SRGAP1: variants seen among roughly 807,000 people sequenced by gnomAD.
SRGAP1 encodes the protein SLIT-ROBO Rho GTPase-activating protein 1.
Under a neutral mutation model 121.9 loss-of-function variants are expected in SRGAP1, and 43 were observed. That is an observed-to-expected ratio of 0.35 (90% CI 0.28 to 0.46). SRGAP1 has a LOEUF of 0.46. Ranked by LOEUF, SRGAP1 falls within the 20% of genes least tolerant of loss-of-function variation. The pLI, the probability that SRGAP1 is intolerant of heterozygous loss-of-function variation, is 1.00. For synonymous variants in SRGAP1, 447 were observed against 485.4 expected (o/e 0.92, Z 1.04); for missense variants, 1,102 against 1,350.9 (o/e 0.82, Z 2.89).
chr12:63,915,418 C>T (rs1261767769), intron 1 of SRGAP1, among the ~76,000 whole-genome samples: 1 of 152,026 alleles, frequency 6.6e-6, no homozygotes, highest in African/African-American at 2.4e-5. Context: ...AAAGCATTTC[C>T]AGAGGAACCA....
chr12:63,858,213 T>C (rs1023669711), intron 1 of SRGAP1, among the ~76,000 whole-genome samples: 18 of 152,016 alleles, frequency 1.2e-4, no homozygotes, highest in Admixed American at 2.0e-4. Flanking sequence ...TGTCTGTCTG[T>C]CTGTATACAC....
At chr12:64,052,184 T>C (rs964922712) in intron 6 of SRGAP1, among the ~76,000 whole-genome samples, 2 of 152,074 alleles carry the variant, frequency 1.3e-5, no homozygotes, top group Admixed American at 1.3e-4. Context: ...AGATATTGAA[T>C]TATGTCTATG....
chr12:64,044,674 C>A, intron 6 of SRGAP1, among the ~76,000 whole-genome samples: 1 of 72,124 alleles, frequency 1.4e-5, no homozygotes, highest in African/African-American at 4.6e-5. Flanking sequence ...TGATGTGCCT[C>A]TTTTTTTTTT....
chr12:64,018,083 A>G, intron 4 of SRGAP1, among the ~76,000 whole-genome samples: 1 of 151,980 alleles, frequency 6.6e-6, no homozygotes, highest in Non-Finnish European at 1.5e-5. Flanking sequence ...TTATTGTACA[A>G]GATTATTTTG....
At chr12:63,916,060 T>C (rs2030763902) in intron 1 of SRGAP1, among the ~76,000 whole-genome samples, 1 of 118,714 alleles carries the variant, frequency 8.4e-6, no homozygotes. Context: ...TGAGATGGGG[T>C]CTCACTCTGT....
intron 21 of SRGAP1, among the ~76,000 whole-genome samples, chr12:64,130,086 A>C (rs1257815126): frequency 2.0e-5 from 3 of 152,178 alleles, no homozygotes; most frequent in Non-Finnish European, 4.4e-5. Flanking sequence ...GGGCTATTGT[A>C]GTTTCCCATT....
At chr12:63,874,689 A>G (rs762662630) in intron 1 of SRGAP1, among the ~76,000 whole-genome samples, 4 of 152,164 alleles carry the variant, frequency 2.6e-5, no homozygotes, top group Non-Finnish European at 4.4e-5. Flanking sequence ...CAAATTTCCT[A>G]TAACAAATGT....
chr12:64,117,305 C>T (rs1199929696), intron 18 of SRGAP1, among the ~76,000 whole-genome samples: 1 of 152,084 alleles, frequency 6.6e-6, no homozygotes, highest in Non-Finnish European at 1.5e-5. Context: ...GCCCATTTTT[C>T]TATTGAGTTT....
chr12:63,887,451 G>A (rs1319604149), intron 1 of SRGAP1: 10 of 152,238 alleles, frequency 6.6e-5, no homozygotes, highest in Admixed American at 6.5e-4. Flanking sequence ...GAAACACTGG[G>A]TTTGGCAATG....
chr12:64,105,493 A>G (rs539778420), intron 15 of SRGAP1, among the ~76,000 whole-genome samples: 1 of 152,258 alleles, frequency 6.6e-6, no homozygotes, highest in Non-Finnish European at 1.5e-5. Flanking sequence ...TTAAGATTAA[A>G]CTTCTTGAGG....
chr12:63,884,049 T>A (rs1592913497), intron 1 of SRGAP1, among the ~76,000 whole-genome samples: 1 of 136,100 alleles, frequency 7.3e-6, no homozygotes, highest in Admixed American at 7.4e-5. Flanking sequence ...TTCGGGAGGC[T>A]AGGCGGGCGG....
chr12:64,054,876 A>C (rs1165167284), intron 6 of SRGAP1, among the ~76,000 whole-genome samples: 157 of 121,946 alleles, frequency 1.3e-3, no homozygotes, highest in East Asian at 2.1e-3. Context: ...TCCCAATGCT[A>C]TCCCTCCCCC....
chr12:64,087,637 G>A (rs1046219702), intron 11 of SRGAP1, among the ~76,000 whole-genome samples: 3 of 152,100 alleles, frequency 2.0e-5, no homozygotes, highest in African/African-American at 7.2e-5. Context: ...TCAGGAGGCT[G>A]GGGCAGGAAA....
Position 64,148,658 on chromosome 12 carries a change from A to G in SRGAP1, c.*5986A>G, listed in dbSNP as rs1009590280. On this transcript the variant is annotated 3_prime_UTR_variant, in exon 22 of 22. Transcript: ENST00000355086. ...TATGTAGTAGATAGCTTTGTAAAAC[A>G]ATGTAAGTTGTGCAAGATTGAATAT... 5.9e-5 allele frequency: 9 copies of G among 152,218 alleles called. No individual in the cohort carries two copies. The highest frequency in any genetic ancestry group is 2.2e-4 in the African/African-American group (9 of 41,456). The allele number at this position is 152,218 out of a possible 1,614,324, so 9.4% of individuals were successfully genotyped here.
At chr12:64,020,751 G>A (rs1459305046) in intron 4 of SRGAP1, among the ~76,000 whole-genome samples, 1 of 148,622 alleles carries the variant, frequency 6.7e-6, no homozygotes, top group Non-Finnish European at 1.5e-5. Flanking sequence ...GCTGAGGCAG[G>A]ACAATCGCTT....
chr12:64,065,336 T>A, intron 8 of SRGAP1, 117 bp downstream of exon 8: 1 of 884,736 alleles, frequency 1.1e-6, no homozygotes, highest in Non-Finnish European at 1.8e-6. Flanking sequence ...ATCACGTATT[T>A]CCTGCTCTCA....
At chr12:64,066,545 GT>G (rs1212240514) in intron 8 of SRGAP1, among the ~76,000 whole-genome samples, 1 of 152,094 alleles carries the variant, frequency 6.6e-6, no homozygotes, top group African/African-American at 2.4e-5. Flanking sequence ...ACCCTGTTTT[GT>G]TTTAATCCCA....
chr12:63,880,967 A>G (rs1168556800), intron 1 of SRGAP1, among the ~76,000 whole-genome samples: 6 of 149,942 alleles, frequency 4.0e-5, no homozygotes, highest in Non-Finnish European at 4.4e-5. Flanking sequence ...CCTCTCAAAA[A>G]CACAACCGGA....
chr12:63,993,198 T>C (rs962301739), intron 3 of SRGAP1, among the ~76,000 whole-genome samples: 1 of 151,390 alleles, frequency 6.6e-6, no homozygotes, highest in African/African-American at 2.4e-5. Flanking sequence ...AGAAAGTCTT[T>C]CCTGCCTTTT....
Sources: allele counts gnomAD v4.1 joint callset (sites outside exome capture counted in the v4.1 genomes callset), GRCh38; gene constraint gnomAD v4.1.1; transcripts MANE v1.5; gene names NCBI Gene and HGNC (gene_info 2026-07-23, HGNC 2026-07-21).